The following ZAP70 variants were observed in gnomAD, a reference collection of about 807,000 sequenced individuals.
The protein encoded by ZAP70 is tyrosine-protein kinase ZAP-70.
In ZAP70, 27 loss-of-function variants were observed where a neutral mutation model predicts 65.8. The ratio of observed to expected loss-of-function variants is 0.41; its 90% CI spans 0.30 to 0.57. The LOEUF (loss-of-function observed/expected upper bound fraction) is 0.57, where lower values mean the gene tolerates loss of function less well. Ranked by LOEUF, ZAP70 falls within the 20% of genes least tolerant of loss-of-function variation. The probability of loss-of-function intolerance (pLI) is 0.28; values close to 1 mark genes in which losing one functional copy is unlikely to be tolerated. For missense variants in ZAP70, 696 were observed against 870.5 expected (o/e 0.80, Z 2.52); for synonymous variants, 363 against 360.8 (o/e 1.01, Z -0.07).
downstream of ZAP70, among the ~76,000 whole-genome samples, chr2:97,742,524 T>C (rs1678157265): frequency 6.6e-6 from 1 of 152,270 alleles, no homozygotes; most frequent in Non-Finnish European, 1.5e-5. Context: ...GGTGAGGATA[T>C]GGTGAATCAG....
the ZAP70 span, among the ~76,000 whole-genome samples, chr2:97,754,416 T>C: frequency 6.6e-6 from 1 of 152,142 alleles, no homozygotes; most frequent in African/African-American, 2.4e-5. Context: ...ATCTTTTTTT[T>C]TGAGATGGAG....
intron 2 of ZAP70, among the ~76,000 whole-genome samples, chr2:97,719,996 G>C (rs558864529): frequency 6.6e-6 from 1 of 152,088 alleles, no homozygotes; most frequent in African/African-American, 2.4e-5. Context: ...ATGCGTTTGC[G>C]GAACTGCGTG....
rs56408006 is a variant in ZAP70 at position 97,735,476 on chromosome 2, G to C, written c.1289+20G>C. The C allele has an allele frequency of 1.9e-4, 310 of 1,600,852 alleles. No homozygotes were observed. The highest frequency in any genetic ancestry group is 2.5e-4 in the Non-Finnish European group (295 of 1,171,964). On this transcript the variant is annotated intron_variant, in intron 10 of 13. Coordinates refer to ENST00000264972, the MANE Select transcript of ZAP70 (RefSeq NM_001079.4). The stretch of plus-strand genomic sequence containing the variant: ...CAAGAGGTGAGCACCGGGTGGGCCC[G>C]GCCATCGGGTGGGTGGGGCCGGGGC...
At chr2:97,716,754 G>T (rs1169562263) in intron 2 of ZAP70, among the ~76,000 whole-genome samples, 1 of 152,100 alleles carries the variant, frequency 6.6e-6, no homozygotes, top group East Asian at 1.9e-4. Context: ...GGCCTTGGGG[G>T]CCACCCTGAG....
intron 2 of ZAP70, among the ~76,000 whole-genome samples, chr2:97,721,049 G>A (rs1366483741): frequency 6.6e-6 from 1 of 152,122 alleles, no homozygotes; most frequent in Non-Finnish European, 1.5e-5. Context: ...AGCCTTGCTG[G>A]GCCTATGTTA....
chr2:97,741,224 C>G (rs185718471), downstream of ZAP70, among the ~76,000 whole-genome samples: 79 of 152,298 alleles, frequency 5.2e-4, 1 homozygote, highest in African/African-American at 1.8e-3. Flanking sequence ...TCTCAGTTTC[C>G]CTCCCAACAC....
rs534241919 is a variant in ZAP70 at position 97,715,952 on chromosome 2, G to T, written c.-22+1958G>T. 6.6e-6 allele frequency among the ~76,000 whole-genome samples: 1 copy of T among 152,242 alleles called. No individual in the cohort carries two copies. Among genetic ancestry groups the T allele is most frequent in the African/African-American group, 2.4e-5 (1 of 41,524 alleles). On this transcript the variant is annotated intron_variant, in intron 2 of 13. Transcript: ENST00000264972. The surrounding 1 kb of genome is among the most constrained non-coding windows in gnomAD (Gnocchi z 4.1). The stretch of plus-strand genomic sequence containing the variant: ...ACAGAGCCGTGGGCCCTGCCTCGGG[G>T]AGCTCAGCCTGGTGAGGGACTGAGG...
At chr2:97,749,857 G>C in the ZAP70 span, among the ~76,000 whole-genome samples, 1 of 152,214 alleles carries the variant, frequency 6.6e-6, no homozygotes, top group Non-Finnish European at 1.5e-5. Context: ...CGTGGGAGGA[G>C]GGGCCCCAGG....
intron 13 of ZAP70, 106 bp from the exon 14 acceptor site, chr2:97,739,269 G>A: frequency 1.9e-6 from 3 of 1,540,142 alleles, no homozygotes; most frequent in African/African-American, 2.7e-5. Flanking sequence ...CTGACTTTCT[G>A]AGCCCCAAAA....
chr2:97,734,747 G>A (rs200318575), intron 9 of ZAP70, 35 bp downstream of exon 9: 1 of 1,610,144 alleles, frequency 6.2e-7, no homozygotes, highest in Non-Finnish European at 8.5e-7. Context: ...GAGCACCGCC[G>A]CCTGGGGCAG....
At chr2:97,719,690 C>A (rs1677088035) in intron 2 of ZAP70, among the ~76,000 whole-genome samples, 1 of 152,024 alleles carries the variant, frequency 6.6e-6, no homozygotes, top group Admixed American at 6.6e-5. Context: ...TCTTCCAGTT[C>A]CTTTCCCCCT....
chr2:97,750,283 G>A, the ZAP70 span, among the ~76,000 whole-genome samples: 1 of 152,194 alleles, frequency 6.6e-6, no homozygotes, highest in Admixed American at 6.5e-5. Flanking sequence ...CAGCAAGGGG[G>A]ACCCAAACAA....
At position 97,725,182 on chromosome 2, in the gene ZAP70, C is replaced by T; in HGVS notation, c.493C>T (p.His165Tyr). ...TTAHERMPWY[H>Y]SSLTREEAER... is the part of the protein sequence containing the mutation. ...GGCCCACGAGCGGATGCCCTGGTAC[C>T]ACAGCAGCCTGACGCGTGAGGAGGC... The change falls in exon 4 of 14, where the codon CAC (histidine) becomes TAC (tyrosine). Residue 165 changes from histidine (H) to tyrosine (Y), a missense_variant. Physicochemically the swap from His to Tyr is moderately conservative, Grantham distance 83. Around this residue, in one of 3 missense-constraint regions of ZAP70, gnomAD observed 551 missense variants for 630.0 expected, o/e 0.87. Coordinates refer to ENST00000264972, the MANE Select transcript of ZAP70 (RefSeq NM_001079.4). 6.2e-7 allele frequency: 1 copy of T among 1,614,192 alleles called. No individual in the cohort carries two copies. Among genetic ancestry groups the T allele is most frequent in the South Asian group, 1.1e-5 (1 of 91,090 alleles).
intron 13 of ZAP70, among the ~76,000 whole-genome samples, chr2:97,739,022 G>C (rs1678029042): frequency 1.3e-5 from 2 of 152,240 alleles, no homozygotes; most frequent in East Asian, 1.9e-4. Context: ...CTGGCCCCAG[G>C]TGCATGCACA....
rs1460177410 is a variant in ZAP70 at position 97,736,658 on chromosome 2, A to G, written c.1290-815A>G. Among the ~76,000 whole-genome samples the G allele has an allele frequency of 6.6e-6, 1 of 152,182 alleles. No individual in the cohort carries two copies. The highest frequency in any genetic ancestry group is 1.5e-5 in the Non-Finnish European group (1 of 68,032). On this transcript the variant is annotated intron_variant, in intron 10 of 13. Coordinates refer to ENST00000264972, the MANE Select transcript of ZAP70 (RefSeq NM_001079.4). The surrounding 1 kb of genome is among the most constrained non-coding windows in gnomAD (Gnocchi z 4.0). ...TGTTGGGGTGCGAGGTGCAGTGAGC[A>G]GGGAGGTTTGAACAAACTGAGGGAG...
the ZAP70 span, among the ~76,000 whole-genome samples, chr2:97,748,174 A>G: frequency 1.3e-5 from 2 of 152,166 alleles, no homozygotes. Flanking sequence ...ACCTGTTGAA[A>G]GTTTATTAGC....
chr2:97,734,005 C>T (rs915324238), intron 8 of ZAP70: 2 of 307,420 alleles, frequency 6.5e-6, no homozygotes, highest in Admixed American at 9.0e-5. Flanking sequence ...GTGGTAGAGG[C>T]GGGATGTGAA....
At position 97,724,043 on chromosome 2, in the gene ZAP70, G is replaced by C. The variant is rs1009114725; in HGVS notation, c.7G>C (p.Asp3His). 10 of 1,551,228 alleles carry C rather than the reference G, an allele frequency of 6.4e-6. No individual in the cohort carries two copies. Among genetic ancestry groups the C allele is most frequent in the Non-Finnish European group, 8.7e-6 (10 of 1,154,694 alleles). Residue 3 changes from aspartate (D) to histidine (H), a missense_variant, in exon 3 of 14, where the codon GAC becomes CAC. By Grantham distance (81) the Asp-to-His change is moderately conservative. Coordinates refer to ENST00000264972, the MANE Select transcript of ZAP70 (RefSeq NM_001079.4). ...TTCGGGAGGCCCAGGGGCGATGCCA[G>C]ACCCCGCGGCGCACCTGCCCTTCTT... MP[D>H]PAAHLPFFYG...
At chr2:97,717,287 G>T (rs1292029385) in intron 2 of ZAP70, among the ~76,000 whole-genome samples, 1 of 151,438 alleles carries the variant, frequency 6.6e-6, no homozygotes, top group East Asian at 2.0e-4. Context: ...GCGGTGAGGG[G>T]CTGGGGCCCT....
Sources: gnomAD v4.1 joint callset for allele counts (sites outside exome capture counted in the v4.1 genomes callset) on GRCh38, gnomAD v4.1.1 for gene constraint, gnomAD v4.1.1 regional missense constraint, Gnocchi (gnomAD v3.1) non-coding constraint, MANE v1.5 for transcripts, NCBI Gene and HGNC (gene_info 2026-07-23, HGNC 2026-07-21) for gene names.